The following RBM19 variants were observed in gnomAD, a reference collection of about 807,000 sequenced individuals.
RBM19 encodes RNA binding motif protein 19.
In RBM19, 94 loss-of-function variants were observed where a neutral mutation model predicts 116.8. The observed-to-expected ratio is 0.80, with a 90% CI of 0.68 to 0.95. The LOEUF (loss-of-function observed/expected upper bound fraction) is 0.95, where lower values mean the gene tolerates loss of function less well. RBM19 is among the 40% of genes least tolerant of loss of function. RBM19 has a pLI of 0.00. For missense variants in RBM19, 1,161 were observed against 1,220.7 expected (o/e 0.95, Z 0.73); for synonymous variants, 475 against 494.1 (o/e 0.96, Z 0.51).
At position 113,844,707 on chromosome 12, in the gene RBM19, G is replaced by A. The variant is rs963805433; in HGVS notation, c.2746C>T (p.Leu916=). The change falls in exon 23 of 24, where the codon CTG becomes TTG. Residue 916 remains leucine, a synonymous_variant. Coordinates refer to ENST00000261741, the MANE Select transcript of RBM19 (RefSeq NM_016196.4). ...GCCGTCTTCCGCCGCAGGGCCTGCA[G>A]GGTCACCTCGGAGTCGGCCCACTCC... ...VLEWADSEVT[L]QALRRKTAAH... 1.2e-6 allele frequency: 2 copies of A among 1,612,888 alleles called. No homozygotes were observed. The highest frequency in any genetic ancestry group is 2.7e-5 in the African/African-American group (2 of 74,940).
intron 23 of RBM19, among the ~76,000 whole-genome samples, chr12:113,839,380 G>A (rs1876260376): frequency 6.6e-6 from 1 of 152,226 alleles, no homozygotes; most frequent in Non-Finnish European, 1.5e-5. Context: ...TTCAGTGGGT[G>A]AGAGAGACTG....
At chr12:113,858,088 G>A (rs943955834) in intron 22 of RBM19, among the ~76,000 whole-genome samples, 1 of 152,250 alleles carries the variant, frequency 6.6e-6, no homozygotes, top group African/African-American at 2.4e-5. Context: ...TCAATGCCAC[G>A]AGGGCAGTGG....
intron 14 of RBM19, among the ~76,000 whole-genome samples, chr12:113,940,482 G>C (rs959308069): frequency 7.9e-5 from 12 of 152,200 alleles, no homozygotes; most frequent in Admixed American, 2.6e-4. Context: ...TCAGTACCAA[G>C]GCTTTTTTTC....
chr12:113,934,064 A>G lies in RBM19; in HGVS notation c.2068+2943T>C, dbSNP rs150560608. 4.2e-3 allele frequency among the ~76,000 whole-genome samples: 639 copies of G among 152,226 alleles called. 2 individuals are homozygous for G. Among genetic ancestry groups the G allele is most frequent in the Middle Eastern group, 0.024 (7 of 294 alleles). ...TCTTCCAGGCTCAAGTGATCCTCCA[A>G]CCTCAGCCTCCTGAGTAGCTGGGAC... On this transcript the variant is annotated intron_variant, in intron 16 of 23. Transcript: ENST00000261741.
chr12:113,933,382 C>T (rs1169490354), intron 16 of RBM19, among the ~76,000 whole-genome samples: 11 of 151,974 alleles, frequency 7.2e-5, no homozygotes, highest in Admixed American at 1.3e-4. Context: ...AAAAGAACAG[C>T]ACCCGCCAGG....
chr12:113,940,469 A>T (rs548625888), intron 14 of RBM19, among the ~76,000 whole-genome samples: 11 of 152,284 alleles, frequency 7.2e-5, no homozygotes, highest in Admixed American at 5.2e-4. Context: ...TGGGGTCTGC[A>T]TCTCAGTACC....
chr12:113,943,913 A>G (rs1870786240), intron 13 of RBM19, among the ~76,000 whole-genome samples: 1 of 152,024 alleles, frequency 6.6e-6, no homozygotes, highest in Admixed American at 6.5e-5. Context: ...CCTTTTAAAC[A>G]TGTGGCCACT....
chr12:113,819,213 C>A (rs890596762), downstream of RBM19, among the ~76,000 whole-genome samples: 1 of 152,210 alleles, frequency 6.6e-6, no homozygotes, highest in African/African-American at 2.4e-5. Context: ...TTCCTCCCAG[C>A]TAACTGAGCC....
intron 22 of RBM19, among the ~76,000 whole-genome samples, chr12:113,854,691 G>A (rs1052320976): frequency 6.6e-6 from 1 of 152,170 alleles, no homozygotes; most frequent in Non-Finnish European, 1.5e-5. Flanking sequence ...ACCAGGGCCC[G>A]TGATGAGGGC....
chr12:113,860,328 C>G (rs1878264401), intron 21 of RBM19, among the ~76,000 whole-genome samples: 3 of 152,232 alleles, frequency 2.0e-5, no homozygotes, highest in African/African-American at 2.4e-5. Flanking sequence ...ATTCTGCCAC[C>G]TAAAGGCGGA....
In RBM19 at chr12:113,946,376, G is replaced by A; in HGVS notation, c.1507C>T (p.Gln503Ter). 6.2e-7 allele frequency: 1 copy of A among 1,614,056 alleles called. No homozygotes were observed. The highest frequency in any genetic ancestry group is 8.5e-7 in the Non-Finnish European group (1 of 1,179,998). Reference protein sequence around the residue: ...SSSYKKKKEAQDKANSASSHN... With the variant: ...SSSYKKKKEA ...GACCTGGCACTGTTGGCTTTGTCCT[G>A]GGCCTCCTTCTTCTTCTTGTAGGAC... Residue 503 changes from glutamine (Q) to a stop codon, truncating the protein, a stop_gained, in exon 12 of 24, where the codon CAG becomes TAG. Transcript: ENST00000261741. LOFTEE classifies it high-confidence loss of function.
chr12:113,871,884 A>G (rs1879233635), intron 21 of RBM19, among the ~76,000 whole-genome samples: 1 of 151,996 alleles, frequency 6.6e-6, no homozygotes, highest in African/African-American at 2.4e-5. Context: ...CCGGAGGGCA[A>G]GGAGCAGCCG....
intron 7 of RBM19, among the ~76,000 whole-genome samples, chr12:113,952,915 T>C (rs1159061898): frequency 2.6e-5 from 4 of 152,232 alleles, no homozygotes. Context: ...TTTTCACTTC[T>C]CATTAAGCTT....
chr12:113,877,552 G>A (rs1193034260), intron 21 of RBM19, among the ~76,000 whole-genome samples: 2 of 152,242 alleles, frequency 1.3e-5, no homozygotes, highest in African/African-American at 4.8e-5. Context: ...GCTAAGGTAA[G>A]CTACTGAAGT....
downstream of RBM19, among the ~76,000 whole-genome samples, chr12:113,818,397 CA>C (rs376988842): frequency 1.7e-4 from 26 of 152,252 alleles, no homozygotes; most frequent in South Asian, 5.4e-3. Flanking sequence ...GGCCAGTGGG[CA>C]GGGGGGCACC....
chr12:113,899,648 G>C (rs1461529512), intron 21 of RBM19, among the ~76,000 whole-genome samples: 1 of 152,198 alleles, frequency 6.6e-6, no homozygotes, highest in Non-Finnish European at 1.5e-5. Flanking sequence ...TGCTTCATTA[G>C]TGATGCTTAG....
intron 23 of RBM19, among the ~76,000 whole-genome samples, chr12:113,824,403 G>A (rs1437789531): frequency 6.6e-6 from 1 of 152,196 alleles, no homozygotes; most frequent in Non-Finnish European, 1.5e-5. Context: ...CAGGAAAAGA[G>A]CGAGGTTGGA....
At position 113,960,148 on chromosome 12, in the gene RBM19, CCGG is replaced by C; in HGVS notation, c.247_249del (p.Pro83del). On this transcript the variant is annotated inframe_deletion, in exon 3 of 24. Transcript: ENST00000261741. ...TGTTTGCTCCAGGCTCTGGGTTTGG[CCGG>C]GTCCCCGAATGACTTGCAGAACTCC... The C allele has an allele frequency of 1.2e-6, 2 of 1,613,862 alleles. No individual in the cohort carries two copies. The highest frequency in any genetic ancestry group is 2.2e-5 in the South Asian group (2 of 91,068).
intron 22 of RBM19, among the ~76,000 whole-genome samples, chr12:113,855,358 G>A (rs1322465385): frequency 6.6e-6 from 1 of 152,224 alleles, no homozygotes; most frequent in Non-Finnish European, 1.5e-5. Context: ...TCCTGTTCCA[G>A]CCTCAACTTC....
Sources: gnomAD v4.1 joint callset for allele counts (sites outside exome capture counted in the v4.1 genomes callset) on GRCh38, gnomAD v4.1.1 for gene constraint, MANE v1.5 for transcripts, NCBI Gene and HGNC (gene_info 2026-07-23, HGNC 2026-07-21) for gene names.